TFPI: variants seen among roughly 807,000 people sequenced by gnomAD.
The protein encoded by TFPI is anti-convertin.
In TFPI, 15 loss-of-function variants were observed where a neutral mutation model predicts 34.6. The ratio of observed to expected loss-of-function variants is 0.43; its 90% CI spans 0.29 to 0.67. The LOEUF (loss-of-function observed/expected upper bound fraction) is 0.67, where lower values mean the gene tolerates loss of function less well. TFPI is among the 30% of genes least tolerant of loss of function. TFPI has a pLI of 0.15. For missense variants in TFPI, 301 were observed against 364.0 expected, an observed-to-expected ratio of 0.83 and a Z score of 1.41; for synonymous variants, 105 against 120.1, an observed-to-expected ratio of 0.87 and a Z score of 0.82.
At chr2:187,512,087 C>T (rs568090809) in intron 1 of TFPI, among the ~76,000 whole-genome samples, 1 of 152,154 alleles carries the variant, frequency 6.6e-6, no homozygotes, top group Admixed American at 6.5e-5. Flanking sequence ...AGGGAATACC[C>T]CAAAAGCATT....
intron 1 of TFPI, 28 bp from the exon 2 acceptor site, chr2:187,503,798 A>G: frequency 6.2e-7 from 1 of 1,607,280 alleles, no homozygotes; most frequent in South Asian, 1.1e-5. Context: ...TACATATCTA[A>G]TAAATAAAGT....
At chr2:187,504,590 GAAGT>G (rs1686074805) in intron 1 of TFPI, among the ~76,000 whole-genome samples, 1 of 149,662 alleles carries the variant, frequency 6.7e-6, no homozygotes. Context: ...AGAAAAGAAA[GAAGT>G]AAGTCACCTT....
chr2:187,478,700 C>T (rs1228144324), intron 6 of TFPI: 1 of 1,613,090 alleles, frequency 6.2e-7, no homozygotes, highest in Admixed American at 1.7e-5. Flanking sequence ...AAATGCTATC[C>T]AATCCTAGAA....
intron 1 of TFPI, among the ~76,000 whole-genome samples, chr2:187,539,085 A>T (rs1308390320): frequency 1.3e-5 from 2 of 150,176 alleles, no homozygotes; most frequent in African/African-American, 4.9e-5. Flanking sequence ...GCCTAAATAG[A>T]GTGTGTGTGT....
At chr2:187,488,120 C>G (rs8176608) in intron 4 of TFPI, among the ~76,000 whole-genome samples, 5,718 of 151,286 alleles carry the variant, frequency 0.038, 171 homozygotes, top group South Asian at 0.12. Flanking sequence ...TTGAATCATG[C>G]AACAAATCAT....
intron 6 of TFPI, among the ~76,000 whole-genome samples, chr2:187,471,376 A>G (rs1308335436): frequency 6.6e-6 from 1 of 152,116 alleles, no homozygotes; most frequent in Non-Finnish European, 1.5e-5. Context: ...CAAATAGCAA[A>G]TTTATTCTAC....
chr2:187,469,651 A>G lies in TFPI; in HGVS notation c.629-1719T>C, dbSNP rs562504087. 3.3e-5 allele frequency among the ~76,000 whole-genome samples: 5 copies of G among 152,202 alleles called. No individual in the cohort carries two copies. In the East Asian group the frequency reaches 5.8e-4, roughly 18 times the overall value. On this transcript the variant is annotated intron_variant, in intron 6 of 7. Coordinates refer to ENST00000233156, the MANE Select transcript of TFPI (RefSeq NM_006287.6). ...TTATATAACAGAAATCCCTAACACA[A>G]TACTGTTTTACTAACTGTCATCTTC...
At chr2:187,505,241 T>TGA (rs1175963471) in intron 1 of TFPI, among the ~76,000 whole-genome samples, 2 of 152,066 alleles carry the variant, frequency 1.3e-5, no homozygotes, top group African/African-American at 4.8e-5. Context: ...GGAAGCAGGC[T>TGA]GAGGTTGGGG....
At chr2:187,510,397 A>T (rs1686538275) in intron 1 of TFPI, among the ~76,000 whole-genome samples, 3 of 152,180 alleles carry the variant, frequency 2.0e-5, no homozygotes, top group South Asian at 4.1e-4. Context: ...AAAAAGACAC[A>T]ACAGTAAAAG....
chr2:187,473,768 C>T (rs1429615020), intron 6 of TFPI, among the ~76,000 whole-genome samples: 1 of 148,882 alleles, frequency 6.7e-6, no homozygotes, highest in Non-Finnish European at 1.5e-5. Context: ...AAAAAAAAAA[C>T]GGGGAAGGGA....
chr2:187,528,209 G>A (rs1022795068), intron 1 of TFPI, among the ~76,000 whole-genome samples: 2 of 152,226 alleles, frequency 1.3e-5, no homozygotes, highest in African/African-American at 4.8e-5. Flanking sequence ...CATCAGAGAA[G>A]GGCGTAGGTC....
At chr2:187,503,861 GCAAATTTCT>G in intron 1 of TFPI, 91 bp from the exon 2 acceptor site, 2 of 1,403,286 alleles carry the variant, frequency 1.4e-6, no homozygotes, top group Non-Finnish European at 1.9e-6. Context: ...TACCTCATAT[GCAAATTTCT>G]ATGCCATTTT....
chr2:187,475,031 G>T (rs764369661), intron 6 of TFPI, among the ~76,000 whole-genome samples: 36 of 152,124 alleles, frequency 2.4e-4, no homozygotes, highest in Non-Finnish European at 4.0e-4. Context: ...CCTTGTGCAG[G>T]TCTCTGTCTT....
chr2:187,521,442 T>A (rs1687367473), intron 1 of TFPI, among the ~76,000 whole-genome samples: 1 of 152,132 alleles, frequency 6.6e-6, no homozygotes, highest in South Asian at 2.1e-4. Context: ...TAATTCTTTT[T>A]TTATATGTAC....
At chr2:187,538,225 C>G (rs1688372111) in intron 1 of TFPI, among the ~76,000 whole-genome samples, 1 of 152,182 alleles carries the variant, frequency 6.6e-6, no homozygotes, top group African/African-American at 2.4e-5. Flanking sequence ...CTCAGCAATC[C>G]TATTACTGGG....
chr2:187,471,191 G>A (rs985429692), intron 6 of TFPI, among the ~76,000 whole-genome samples: 2 of 152,088 alleles, frequency 1.3e-5, no homozygotes, highest in African/African-American at 2.4e-5. Flanking sequence ...TACCTAATAC[G>A]TAAACTAATT....
chr2:187,525,754 T>C (rs910400245), intron 1 of TFPI, among the ~76,000 whole-genome samples: 1 of 152,036 alleles, frequency 6.6e-6, no homozygotes, highest in African/African-American at 2.4e-5. Flanking sequence ...CATCTATAAA[T>C]CAAGGACAGA....
At chr2:187,523,641 C>T (rs535390397) in intron 1 of TFPI, among the ~76,000 whole-genome samples, 3 of 152,170 alleles carry the variant, frequency 2.0e-5, no homozygotes, top group African/African-American at 7.2e-5. Context: ...CTATGGGTTT[C>T]AACAATTGCA....
chr2:187,466,891 A>G lies in TFPI; in HGVS notation c.*45T>C, dbSNP rs1574353120. Reference sequence around the variant, plus strand: ...ATAGAAAATCATAGTGAAACATTTCATATAAAATATTTAGTAGAATTAATG... The same window carrying G: ...ATAGAAAATCATAGTGAAACATTTCGTATAAAATATTTAGTAGAATTAATG... On this transcript the variant is annotated 3_prime_UTR_variant, in exon 8 of 8. Coordinates refer to ENST00000233156, the MANE Select transcript of TFPI (RefSeq NM_006287.6). 1.9e-6 allele frequency: 2 copies of G among 1,065,556 alleles called. No homozygotes were observed. Among genetic ancestry groups the G allele is most frequent in the African/African-American group, 1.6e-5 (1 of 60,706 alleles). The allele number at this position is 1,065,556 out of a possible 1,614,324, so 66.0% of individuals were successfully genotyped here.
Sources: allele counts gnomAD v4.1 joint callset (sites outside exome capture counted in the v4.1 genomes callset), GRCh38; gene constraint gnomAD v4.1.1; transcripts MANE v1.5; gene names NCBI Gene and HGNC (gene_info 2026-07-23, HGNC 2026-07-21).